FARSB: variants seen among roughly 807,000 people sequenced by gnomAD.
The protein encoded by FARSB is phenylalanyl-tRNA synthetase subunit beta, also known as phenylalanine--tRNA ligase beta subunit.
Under a neutral mutation model 69.6 loss-of-function variants are expected in FARSB, and 40 were observed. The ratio of observed to expected loss-of-function variants is 0.57; its 90% CI spans 0.45 to 0.75. FARSB has a LOEUF of 0.75. Ranked by LOEUF, FARSB falls within the 30% of genes least tolerant of loss-of-function variation. The pLI is 0.00. For synonymous variants in FARSB, 235 were observed against 247.2 expected, an observed-to-expected ratio of 0.95 and a Z score of 0.46; for missense variants, 632 against 722.9, an observed-to-expected ratio of 0.87 and a Z score of 1.44.
rs945184077 is a variant in FARSB, at chr2:222,569,891, C to CTT, written c.*1978_*1979dup. The stretch of plus-strand genomic sequence containing the variant: ...ACACTGTGAACACTTGCATAAAAAT[C>CTT]TTTGGCCATATGGGTAAACCTAGGA... On this transcript the variant is annotated 3_prime_UTR_variant, in exon 17 of 17. Transcript: ENST00000281828. Among the ~76,000 whole-genome samples the CTT allele has an allele frequency of 2.0e-5, 3 of 152,096 alleles. No homozygotes were observed. Among genetic ancestry groups the CTT allele is most frequent in the African/African-American group, 7.2e-5 (3 of 41,424 alleles).
chr2:222,644,133 C>A (rs1273550967), intron 2 of FARSB, among the ~76,000 whole-genome samples: 2 of 152,112 alleles, frequency 1.3e-5, no homozygotes, highest in East Asian at 3.9e-4. Context: ...CTCCCACTGC[C>A]ACAATATAAG....
At position 222,567,645 on chromosome 2, in the gene FARSB, C is replaced by T. The variant is rs1689655284; in HGVS notation, c.*4226G>A. ...ATTCAAAACACATCCTTTGACCTAG[C>T]GACTTCTACATCTAAGATGTAAGGT... On this transcript the variant is annotated 3_prime_UTR_variant, in exon 17 of 17. Coordinates refer to ENST00000281828, the MANE Select transcript of FARSB (RefSeq NM_005687.5). 1 of 152,178 alleles carries T rather than the reference C, an allele frequency of 6.6e-6. No individual in the cohort carries two copies. Among genetic ancestry groups the T allele is most frequent in the African/African-American group, 2.4e-5 (1 of 41,436 alleles). The allele number at this position is 152,178 out of a possible 1,614,324, so 9.4% of individuals were successfully genotyped here.
chr2:222,654,014 AAT>A (rs1405094983), intron 1 of FARSB, among the ~76,000 whole-genome samples: 1 of 152,280 alleles, frequency 6.6e-6, no homozygotes, highest in African/African-American at 2.4e-5. Context: ...AAGCAGACAG[AAT>A]ATGTTAAAAC....
Position 222,600,054 on chromosome 2 carries a change from A to T in FARSB, c.1492T>A (p.Cys498Ser). The part of the protein sequence containing the change: ...DVGAKNYRHL[C>S]AVYYNKNPGF... ...GGATTCTTGTTGTAATAAACAGCAC[A>T]GAGATGTCTGTAGTTTTTTGCACCT... The change falls in exon 16 of 17, where the codon TGT becomes AGT. Residue 498 changes from cysteine to serine, a missense_variant. Coordinates refer to ENST00000281828, the MANE Select transcript of FARSB (RefSeq NM_005687.5). The T allele has an allele frequency of 6.2e-7, 1 of 1,609,544 alleles. No individual in the cohort carries two copies. The highest frequency in any genetic ancestry group is 1.3e-5 in the African/African-American group (1 of 74,654).
intron 2 of FARSB, among the ~76,000 whole-genome samples, chr2:222,646,874 C>G (rs1559217656): frequency 6.6e-6 from 1 of 152,200 alleles, no homozygotes; most frequent in Non-Finnish European, 1.5e-5. Context: ...TCTCTCCTTC[C>G]ACGGTGCATT....
intron 13 of FARSB, among the ~76,000 whole-genome samples, chr2:222,620,017 T>C (rs1357334118): frequency 2.0e-5 from 3 of 152,332 alleles, no homozygotes; most frequent in Non-Finnish European, 4.4e-5. Flanking sequence ...CTAGCCATCA[T>C]ACAGAGCTAA....
chr2:222,602,040 A>G (rs1690573652), intron 15 of FARSB, among the ~76,000 whole-genome samples: 1 of 152,218 alleles, frequency 6.6e-6, no homozygotes, highest in Non-Finnish European at 1.5e-5. Flanking sequence ...ACAGTAGGAT[A>G]CCACTCAGCA....
chr2:222,645,343 TGTA>T (rs1255364154), intron 2 of FARSB, among the ~76,000 whole-genome samples: 1 of 152,182 alleles, frequency 6.6e-6, no homozygotes, highest in Non-Finnish European at 1.5e-5. Context: ...AATTCTGAGG[TGTA>T]GTAAAATTAC....
chr2:222,590,998 T>A (rs1240181255), intron 16 of FARSB, among the ~76,000 whole-genome samples: 1 of 152,136 alleles, frequency 6.6e-6, no homozygotes, highest in Non-Finnish European at 1.5e-5. Flanking sequence ...GGAACATAGA[T>A]AAACTCAATA....
chr2:222,624,351 A>G lies in FARSB; in HGVS notation c.1091T>C (p.Ile364Thr), dbSNP rs1372642526. The G allele has an allele frequency of 1.2e-6, 2 of 1,609,438 alleles. No homozygotes were observed. Among genetic ancestry groups the G allele is most frequent in the African/African-American group, 2.7e-5 (2 of 74,978 alleles). The change falls in exon 12 of 17, where the codon ATT becomes ACT. Residue 364 changes from isoleucine to threonine, a missense_variant. Ile to Thr is a moderately conservative substitution (Grantham distance 89). Transcript: ENST00000281828. ...ATAAGCAATAGCTGCATCTTCTACA[A>G]TATCACATGCATGGATAATGTCAGC... The part of the protein sequence containing the change: ...TRADIIHACD[I>T]VEDAAIAYGY...
intron 15 of FARSB, among the ~76,000 whole-genome samples, chr2:222,602,955 C>T (rs1690602222): frequency 6.6e-6 from 1 of 151,558 alleles, no homozygotes; most frequent in Non-Finnish European, 1.5e-5. Flanking sequence ...TCTATAAAAG[C>T]TATTGATTTC....
At position 222,624,694 on chromosome 2, in the gene FARSB, G is replaced by A. The variant is rs1029150224; in HGVS notation, c.962+20C>T. 2.6e-5 allele frequency: 40 copies of A among 1,546,228 alleles called. No individual in the cohort carries two copies. The Admixed American group carries it at 4.0e-4, about 15-fold the overall frequency. On this transcript the variant is annotated intron_variant, in intron 11 of 16. Coordinates refer to ENST00000281828, the MANE Select transcript of FARSB (RefSeq NM_005687.5). ...TACGTGTACTTTGTTCTTGAATTAA[G>A]TGAAGTTTTCAGAGCATACCTGATT...
chr2:222,634,316 C>A, intron 6 of FARSB, 75 bp downstream of exon 6: 1 of 1,020,752 alleles, frequency 9.8e-7, no homozygotes, highest in African/African-American at 1.6e-5. Flanking sequence ...TTACATTTCC[C>A]TAGTTGCAAG....
chr2:222,598,558 G>C (rs1362751944), intron 16 of FARSB, among the ~76,000 whole-genome samples: 1 of 152,178 alleles, frequency 6.6e-6, no homozygotes, highest in African/African-American at 2.4e-5. Flanking sequence ...TAAGATTTCT[G>C]AGAAGATTGT....
intron 15 of FARSB, among the ~76,000 whole-genome samples, chr2:222,600,548 T>A (rs1402104740): frequency 6.6e-6 from 1 of 152,322 alleles, no homozygotes; most frequent in South Asian, 2.1e-4. Context: ...TAAAGTACAG[T>A]GCAATCACTC....
chr2:222,621,509 C>T (rs1184772919), intron 13 of FARSB, among the ~76,000 whole-genome samples: 1 of 152,200 alleles, frequency 6.6e-6, no homozygotes, highest in Non-Finnish European at 1.5e-5. Flanking sequence ...AGGCATGAGC[C>T]ACCATGCCTG....
At chr2:222,614,654 G>T (rs557874898) in intron 14 of FARSB, among the ~76,000 whole-genome samples, 1 of 152,070 alleles carries the variant, frequency 6.6e-6, no homozygotes, top group African/African-American at 2.4e-5. Flanking sequence ...AGACCAGCAC[G>T]GGCAACATAG....
chr2:222,624,683 T>C (rs367824775), intron 11 of FARSB, 31 bp downstream of exon 11: 5 of 1,489,248 alleles, frequency 3.4e-6, no homozygotes. Context: ...TGTACTTTGT[T>C]CTTGAATTAA....
intron 12 of FARSB, 70 bp from the exon 13 acceptor site, chr2:222,623,800 G>C (rs1365682770): frequency 3.2e-6 from 3 of 931,364 alleles, no homozygotes; most frequent in Non-Finnish European, 5.2e-6. Context: ...GATTTATACA[G>C]AACATGCCAT....
Sources: gnomAD v4.1 joint callset for allele counts (sites outside exome capture counted in the v4.1 genomes callset) on GRCh38, gnomAD v4.1.1 for gene constraint, MANE v1.5 for transcripts, NCBI Gene and HGNC (gene_info 2026-07-23, HGNC 2026-07-21) for gene names.